RELCH: variants seen among roughly 807,000 people sequenced by gnomAD.
RELCH encodes RAB11 binding and LisH domain, coiled-coil and HEAT repeat containing.
A neutral mutation model predicts 150.3 loss-of-function variants in RELCH; 41 were observed. The ratio of observed to expected loss-of-function variants is 0.27; its 90% CI spans 0.21 to 0.35. RELCH has a LOEUF of 0.35. RELCH is among the 10% of genes least tolerant of loss of function. The pLI is 1.00. For synonymous variants in RELCH, 478 were observed against 531.8 expected (o/e 0.90, Z 1.39); for missense variants, 1,092 against 1,467.8 (o/e 0.74, Z 4.18).
intron 27 of RELCH, among the ~76,000 whole-genome samples, chr18:62,296,523 T>C (rs894854250): frequency 1.3e-5 from 2 of 152,008 alleles, no homozygotes; most frequent in Non-Finnish European, 2.9e-5. Context: ...GAGGTGGAGG[T>C]TGCAGTGAGC....
intron 1 of RELCH, among the ~76,000 whole-genome samples, chr18:62,188,431 CT>C (rs1165423008): frequency 1.3e-5 from 2 of 152,192 alleles, no homozygotes; most frequent in African/African-American, 4.8e-5. Context: ...TGCAGTAGTT[CT>C]TTGAGTCTGA....
chr18:62,245,017 A>G, intron 11 of RELCH, 141 bp downstream of exon 11: 1 of 597,516 alleles, frequency 1.7e-6, no homozygotes. Context: ...GCATTCCCCC[A>G]TCATGGATTC....
chr18:62,268,833 T>C (rs910214218), intron 19 of RELCH, 36 bp from the exon 20 acceptor site: 4 of 1,099,272 alleles, frequency 3.6e-6, no homozygotes, highest in African/African-American at 3.3e-5. Context: ...ACTTAAAATA[T>C]ACTTATGTTT....
intron 7 of RELCH, 35 bp from the exon 8 acceptor site, chr18:62,228,270 C>T: frequency 6.5e-7 from 1 of 1,539,902 alleles, no homozygotes; most frequent in South Asian, 1.2e-5. Context: ...ATACAGTTGT[C>T]CTCTGGTGAT....
chr18:62,220,362 T>G (rs1346924971), intron 2 of RELCH, among the ~76,000 whole-genome samples: 1 of 125,606 alleles, frequency 8.0e-6, no homozygotes, highest in African/African-American at 3.0e-5. Context: ...CTTGGGGTTT[T>G]GGATTTTTTT....
At chr18:62,216,542 A>G (rs1307654624) in intron 2 of RELCH, among the ~76,000 whole-genome samples, 2 of 151,748 alleles carry the variant, frequency 1.3e-5, no homozygotes, top group Non-Finnish European at 2.9e-5. Context: ...AGATCAGTTA[A>G]TGTTTCAGAT....
At chr18:62,268,733 T>C (rs895266717) in intron 19 of RELCH, 136 bp from the exon 20 acceptor site, 3 of 440,382 alleles carry the variant, frequency 6.8e-6, no homozygotes, top group African/African-American at 6.3e-5. Flanking sequence ...CCAATAAACA[T>C]ATGTTTTCCA....
At chr18:62,259,360 A>C (rs1416549617) in intron 15 of RELCH, among the ~76,000 whole-genome samples, 3 of 151,940 alleles carry the variant, frequency 2.0e-5, no homozygotes, top group African/African-American at 7.2e-5. Flanking sequence ...AAGCTAAAAA[A>C]AAAATCAAGA....
At chr18:62,267,644 T>G (rs1349258358) in intron 19 of RELCH, among the ~76,000 whole-genome samples, 1 of 151,640 alleles carries the variant, frequency 6.6e-6, no homozygotes, top group Non-Finnish European at 1.5e-5. Flanking sequence ...CTGAAGACAT[T>G]GAAGAGATTT....
intron 1 of RELCH, among the ~76,000 whole-genome samples, chr18:62,188,563 T>G (rs1306339062): frequency 6.6e-6 from 1 of 152,178 alleles, no homozygotes; most frequent in African/African-American, 2.4e-5. Flanking sequence ...TGCACAAAAT[T>G]TGTTCTGTTG....
chr18:62,237,377 G>A (rs2041928540), intron 10 of RELCH, among the ~76,000 whole-genome samples: 1 of 151,482 alleles, frequency 6.6e-6, no homozygotes, highest in Non-Finnish European at 1.5e-5. Flanking sequence ...ATGAAAGTAG[G>A]GTATTGAAGA....
intron 10 of RELCH, among the ~76,000 whole-genome samples, chr18:62,237,405 G>C (rs527289550): frequency 1.6e-3 from 248 of 151,836 alleles, no homozygotes; most frequent in Non-Finnish European, 2.7e-3. Flanking sequence ...TATTATTGTA[G>C]AACTGTCTTA....
At chr18:62,232,302 T>A in intron 9 of RELCH, 30 bp from the exon 10 acceptor site, 14 of 1,415,900 alleles carry the variant, frequency 9.9e-6, no homozygotes, top group Non-Finnish European at 1.4e-5. Context: ...TTCTCCACTA[T>A]CATTGTTTAT....
In RELCH at chr18:62,221,027, C is replaced by A; in HGVS notation, c.617-10C>A. 2.5e-6 allele frequency: 4 copies of A among 1,609,890 alleles called. No homozygotes were observed. The highest frequency in any genetic ancestry group is 2.5e-6 in the Non-Finnish European group (3 of 1,177,862). ...ATGCCTGTGTGTGTTTATTCCAAAT[C>A]CCTGTCCAGTCCTGGAGTTTGAACT... On this transcript the variant is annotated splice_polypyrimidine_tract_variant and intron_variant, in intron 2 of 28. Coordinates refer to ENST00000644646, the MANE Select transcript of RELCH (RefSeq NM_001346231.2).
intron 10 of RELCH, among the ~76,000 whole-genome samples, chr18:62,233,684 C>A (rs925673100): frequency 2.6e-5 from 4 of 151,796 alleles, no homozygotes; most frequent in Non-Finnish European, 4.4e-5. Flanking sequence ...GCTTCTTTTC[C>A]TTTTTTAGCT....
At chr18:62,267,535 T>C (rs571647247) in intron 19 of RELCH, among the ~76,000 whole-genome samples, 5 of 149,552 alleles carry the variant, frequency 3.3e-5, no homozygotes, top group African/African-American at 7.3e-5. Flanking sequence ...TATATATATA[T>C]ACACACACCT....
At chr18:62,259,995 T>C (rs2043174911) in intron 15 of RELCH, among the ~76,000 whole-genome samples, 1 of 151,770 alleles carries the variant, frequency 6.6e-6, no homozygotes, top group South Asian at 2.1e-4. Context: ...GCAAAGATTT[T>C]TGAAGAAAGA....
chr18:62,218,515 C>T (rs1389147578), intron 2 of RELCH, among the ~76,000 whole-genome samples: 1 of 151,904 alleles, frequency 6.6e-6, no homozygotes, highest in Non-Finnish European at 1.5e-5. Context: ...CATAGTTGTA[C>T]ATCTCATAAG....
intron 20 of RELCH, among the ~76,000 whole-genome samples, chr18:62,270,065 G>C (rs2043807525): frequency 1.3e-5 from 2 of 152,114 alleles, no homozygotes; most frequent in Admixed American, 1.3e-4. Flanking sequence ...TTTTGCTGGT[G>C]GTCACTTCTG....
Sources: gnomAD v4.1 joint callset for allele counts (sites outside exome capture counted in the v4.1 genomes callset) on GRCh38, gnomAD v4.1.1 for gene constraint, MANE v1.5 for transcripts, NCBI Gene and HGNC (gene_info 2026-07-23, HGNC 2026-07-21) for gene names.